The following LRRTM3 variants were observed in gnomAD, a reference collection of about 807,000 sequenced individuals.
The protein encoded by LRRTM3 is leucine rich repeat transmembrane neuronal 3, also known as leucine-rich repeat transmembrane neuronal protein 3.
LRRTM3 carries 24 observed loss-of-function variants against 44.7 expected under a neutral mutation model. The observed-to-expected ratio is 0.54, with a 90% CI of 0.39 to 0.76. The LOEUF (loss-of-function observed/expected upper bound fraction) is 0.76. LRRTM3 is among the 30% of genes least tolerant of loss of function. LRRTM3 has a pLI of 0.00. For missense variants in LRRTM3, 587 were observed against 702.2 expected (o/e 0.84, Z 1.85); for synonymous variants, 277 against 278.7 (o/e 0.99, Z 0.06).
chr10:67,037,464 C>A (rs905669966), intron 2 of LRRTM3, among the ~76,000 whole-genome samples: 1 of 151,646 alleles, frequency 6.6e-6, no homozygotes, highest in African/African-American at 2.4e-5. Context: ...ATTAAAATTT[C>A]TTTTCTTTAG....
chr10:67,039,869 T>A (rs1854287975), intron 2 of LRRTM3, among the ~76,000 whole-genome samples: 1 of 152,164 alleles, frequency 6.6e-6, no homozygotes, highest in Non-Finnish European at 1.5e-5. Flanking sequence ...TACAGATTAA[T>A]CTGAATACCT....
chr10:66,978,552 A>AAATAAAAAAAATATATATATATATATAT, intron 2 of LRRTM3, among the ~76,000 whole-genome samples: 3 of 37,884 alleles, frequency 7.9e-5, no homozygotes, highest in South Asian at 1.2e-3. Flanking sequence ...AAAAAAAAAA[A>AAATAAAAAAAATATATATATATATATAT]ATATATATAT....
At chr10:66,990,525 A>T (rs1201386082) in intron 2 of LRRTM3, among the ~76,000 whole-genome samples, 1 of 152,160 alleles carries the variant, frequency 6.6e-6, no homozygotes, top group African/African-American at 2.4e-5. Flanking sequence ...CTAGAGAATT[A>T]TGGAAAAAAC....
At position 67,052,313 on chromosome 10, in the gene LRRTM3, A is replaced by ACTCTCTCTCTCTCTCT. The variant is rs3841706; in HGVS notation, c.1537-45248_1537-45233dup. Among the ~76,000 whole-genome samples, 77 of 121,106 alleles carry ACTCTCTCTCTCTCTCT rather than the reference A, an allele frequency of 6.4e-4. 2 individuals are homozygous for ACTCTCTCTCTCTCTCT. The East Asian group carries it at 8.0e-3, about 13-fold the overall frequency. The allele number at this position is 121,106 out of a possible 152,430, so 79.5% of individuals were successfully genotyped here. A position where few individuals can be genotyped will look rare whatever the true frequency, so the allele number is the denominator to read the frequency against. On this transcript the variant is annotated intron_variant, in intron 2 of 2. Coordinates refer to ENST00000361320, the MANE Select transcript of LRRTM3 (RefSeq NM_178011.5). ...AGAAGAATCTTCACACCCACTCATCACTCTCTCTCTCTCTCTCTCTCTCTC... is the reference window on the plus strand; with the variant it reads ...AGAAGAATCTTCACACCCACTCATCACTCTCTCTCTCTCTCTCTCTCTCTCTCTCTCTCTCTCTCTC...
intron 2 of LRRTM3, among the ~76,000 whole-genome samples, chr10:66,994,994 T>C (rs1320387582): frequency 1.3e-5 from 2 of 152,168 alleles, no homozygotes; most frequent in African/African-American, 4.8e-5. Context: ...ACTTCTGTCC[T>C]GGTATTTCCC....
At chr10:67,043,376 T>C (rs1453949768) in intron 2 of LRRTM3, among the ~76,000 whole-genome samples, 1 of 152,132 alleles carries the variant, frequency 6.6e-6, no homozygotes, top group Admixed American at 6.5e-5. Flanking sequence ...AGTGGTCTGC[T>C]CAATTAGCCA....
At chr10:67,005,357 C>G (rs1851905700) in intron 2 of LRRTM3, among the ~76,000 whole-genome samples, 1 of 152,102 alleles carries the variant, frequency 6.6e-6, no homozygotes, top group African/African-American at 2.4e-5. Flanking sequence ...TACACTTTAT[C>G]TAAATCACTT....
At chr10:67,077,262 T>G (rs115830126) in intron 2 of LRRTM3, among the ~76,000 whole-genome samples, 1,601 of 152,298 alleles carry the variant, frequency 0.011, 30 homozygotes, top group African/African-American at 0.037. Flanking sequence ...GAATGAACTT[T>G]TGTCAATGCA....
intron 2 of LRRTM3, among the ~76,000 whole-genome samples, chr10:67,000,739 C>T (rs1851633510): frequency 6.6e-6 from 1 of 152,094 alleles, no homozygotes; most frequent in South Asian, 2.1e-4. Flanking sequence ...TACAAGTCCT[C>T]CCTCACCCCA....
chr10:67,013,325 T>C (rs1401231017), intron 2 of LRRTM3, among the ~76,000 whole-genome samples: 1 of 152,216 alleles, frequency 6.6e-6, no homozygotes, highest in Non-Finnish European at 1.5e-5. Context: ...TTTATTTCAG[T>C]GAGTAGTTAT....
intron 2 of LRRTM3, among the ~76,000 whole-genome samples, chr10:66,968,544 T>C (rs769965173): frequency 6.6e-5 from 10 of 151,828 alleles, no homozygotes; most frequent in Non-Finnish European, 1.2e-4. Context: ...TTAGAAGCGA[T>C]TGGATTCAGG....
chr10:66,974,525 A>G (rs1455122197), intron 2 of LRRTM3, among the ~76,000 whole-genome samples: 1 of 152,184 alleles, frequency 6.6e-6, no homozygotes, highest in Non-Finnish European at 1.5e-5. Flanking sequence ...AATATTTAGA[A>G]TTGTAATTAC....
chr10:67,042,818 A>C (rs1477134037), intron 2 of LRRTM3, among the ~76,000 whole-genome samples: 1 of 152,170 alleles, frequency 6.6e-6, no homozygotes, highest in Non-Finnish European at 1.5e-5. Context: ...TAGATAGTCA[A>C]CGAGAGTTAA....
At chr10:66,950,282 T>C (rs1485165937) in intron 2 of LRRTM3, among the ~76,000 whole-genome samples, 2 of 152,150 alleles carry the variant, frequency 1.3e-5, no homozygotes, top group Non-Finnish European at 2.9e-5. Context: ...CATTAAAATT[T>C]TCTAACTTGA....
chr10:67,047,617 G>A (rs1232842442), intron 2 of LRRTM3, among the ~76,000 whole-genome samples: 1 of 151,968 alleles, frequency 6.6e-6, no homozygotes, highest in Non-Finnish European at 1.5e-5. Flanking sequence ...GCAATAAATG[G>A]TGTCAAAGAT....
intron 2 of LRRTM3, among the ~76,000 whole-genome samples, chr10:66,978,344 G>T (rs942215399): frequency 6.6e-6 from 1 of 151,278 alleles, no homozygotes; most frequent in Non-Finnish European, 1.5e-5. Context: ...TGGCCAACAT[G>T]GCAAAACCCT....
intron 2 of LRRTM3, among the ~76,000 whole-genome samples, chr10:66,976,393 C>T: frequency 6.6e-6 from 1 of 152,088 alleles, no homozygotes; most frequent in South Asian, 2.1e-4. Flanking sequence ...GTCAAACATC[C>T]TCTCGACTCT....
chr10:67,097,513 T>G, intron 2 of LRRTM3, 74 bp from the exon 3 acceptor site: 1 of 1,355,540 alleles, frequency 7.4e-7, no homozygotes. Context: ...AGGTCAGCAC[T>G]TCAGTCTCTA....
chr10:66,972,779 C>T (rs941962118), intron 2 of LRRTM3, among the ~76,000 whole-genome samples: 4 of 146,218 alleles, frequency 2.7e-5, no homozygotes, highest in South Asian at 2.2e-4. Context: ...GGTGCAATCT[C>T]GGCTCACTGC....
Sources: gnomAD v4.1 joint callset for allele counts (sites outside exome capture counted in the v4.1 genomes callset) on GRCh38, gnomAD v4.1.1 for gene constraint, MANE v1.5 for transcripts, NCBI Gene and HGNC (gene_info 2026-07-23, HGNC 2026-07-21) for gene names.